Variants in FZD3 observed in about 807,000 individuals in gnomAD.
FZD3 encodes frizzled-3.
Under a neutral mutation model 60.7 loss-of-function variants are expected in FZD3, and 30 were observed. That is an observed-to-expected ratio of 0.49 (90% confidence interval 0.37 to 0.67). The LOEUF is 0.67. FZD3 is among the 30% of genes least tolerant of loss of function. The pLI is 0.00. For missense variants in FZD3, 605 were observed against 838.7 expected (o/e 0.72, Z 3.44); for synonymous variants, 246 against 275.2 (o/e 0.89, Z 1.05).
At chr8:28,562,404 T>G (rs1226326535) in intron 7 of FZD3, among the ~76,000 whole-genome samples, 1 of 152,170 alleles carries the variant, frequency 6.6e-6, no homozygotes, top group Non-Finnish European at 1.5e-5. Flanking sequence ...CTCTACTGAT[T>G]ATAACCACTC....
At position 28,569,031 on chromosome 8, in the gene FZD3, T is replaced by A. The variant is rs1805755676; in HGVS notation, c.*6020T>A. 6.6e-6 allele frequency: 1 copy of A among 152,134 alleles called. No individual in the cohort carries two copies. The allele number at this position is 152,134 out of a possible 1,614,324, so 9.4% of individuals were successfully genotyped here. ...ATTACCATTAACTAGTAAAGTTAGT[T>A]TTTAAAGTTTTTTTAAGGTTGATAT... On this transcript the variant is annotated 3_prime_UTR_variant, in exon 8 of 8. Transcript: ENST00000240093.
chr8:28,568,660 G>A lies in FZD3; in HGVS notation c.*5649G>A, dbSNP rs1034463171. The A allele has an allele frequency of 6.6e-6, 1 of 152,012 alleles. No individual in the cohort carries two copies. The highest frequency in any genetic ancestry group is 2.1e-4 in the South Asian group (1 of 4,828). 9.4% of individuals were successfully genotyped at this position (152,012 alleles called of 1,614,324 possible). A position where few individuals can be genotyped will look rare whatever the true frequency, so the allele number is the denominator to read the frequency against. ...ATGAGTTAAACATGTTTCTTATTCT[G>A]TGATCTCTAATTAGAAAGTAAAATT... On this transcript the variant is annotated 3_prime_UTR_variant, in exon 8 of 8. Coordinates refer to ENST00000240093, the MANE Select transcript of FZD3 (RefSeq NM_017412.4).
chr8:28,526,184 A>T (rs768664204), intron 4 of FZD3, among the ~76,000 whole-genome samples: 2 of 118,432 alleles, frequency 1.7e-5, no homozygotes, highest in African/African-American at 3.1e-5. Flanking sequence ...ATTTTATGTT[A>T]ATGTTTATAC....
In FZD3 at chr8:28,502,796, A is replaced by G. The variant is rs1212660161; in HGVS notation, c.-218A>G. 6 of 355,352 alleles carry G rather than the reference A, an allele frequency of 1.7e-5. No homozygotes were observed. Among genetic ancestry groups the G allele is most frequent in the Non-Finnish European group, 3.0e-5 (6 of 198,166 alleles). The allele number at this position is 355,352 out of a possible 1,614,324, so 22.0% of individuals were successfully genotyped here. Reference sequence around the variant, plus strand: ...TAATAAAATGAAAAGAAGAGACAAGATGATGTCATTTTCCCATATTGTGAA... The same window carrying G: ...TAATAAAATGAAAAGAAGAGACAAGGTGATGTCATTTTCCCATATTGTGAA... On this transcript the variant is annotated 5_prime_UTR_variant, in exon 3 of 8. It removes an upstream start codon present in the reference 5' UTR. Coordinates refer to ENST00000240093, the MANE Select transcript of FZD3 (RefSeq NM_017412.4).
chr8:28,539,820 A>G (rs1171173675), intron 5 of FZD3, among the ~76,000 whole-genome samples: 5 of 151,124 alleles, frequency 3.3e-5, no homozygotes, highest in African/African-American at 1.2e-4. Flanking sequence ...TAAGGTCTCA[A>G]AAACAAGTAT....
chr8:28,539,196 G>T (rs570521453), intron 5 of FZD3, among the ~76,000 whole-genome samples: 9 of 152,266 alleles, frequency 5.9e-5, no homozygotes, highest in African/African-American at 2.2e-4. Flanking sequence ...ACTTCCCATC[G>T]CTTGCATTAC....
At chr8:28,535,625 A>G (rs1804990498) in intron 5 of FZD3, among the ~76,000 whole-genome samples, 1 of 152,224 alleles carries the variant, frequency 6.6e-6, no homozygotes, top group Admixed American at 6.5e-5. Context: ...TTTAATGTTT[A>G]TTAAATAATA....
chr8:28,499,857 T>G (rs1359805795), intron 1 of FZD3, 76 bp from the exon 2 acceptor site: 3 of 152,234 alleles, frequency 2.0e-5, no homozygotes, highest in Non-Finnish European at 2.9e-5. Context: ...CCCTATCTGC[T>G]TTTATTTTTA....
intron 3 of FZD3, among the ~76,000 whole-genome samples, chr8:28,513,892 T>A (rs1246070205): frequency 6.6e-6 from 1 of 152,184 alleles, no homozygotes; most frequent in East Asian, 1.9e-4. Flanking sequence ...CTGCACATCC[T>A]TGCTAAGCTT....
chr8:28,564,868 T>TA lies in FZD3; in HGVS notation c.*1860dup, dbSNP rs1408463695. The TA allele has an allele frequency of 6.6e-6, 1 of 152,196 alleles. No individual in the cohort carries two copies. Among genetic ancestry groups the TA allele is most frequent in the Non-Finnish European group, 1.5e-5 (1 of 68,036 alleles). 9.4% of individuals were successfully genotyped at this position (152,196 alleles called of 1,614,324 possible). ...CTTGTTTGTAAATGAAGATAGAAGA[T>TA]AAATACGTACTCTACCTACCTCACA... On this transcript the variant is annotated 3_prime_UTR_variant, in exon 8 of 8. Transcript: ENST00000240093.
intron 1 of FZD3, among the ~76,000 whole-genome samples, chr8:28,498,826 A>G (rs1803915011): frequency 6.6e-6 from 1 of 152,196 alleles, no homozygotes; most frequent in South Asian, 2.1e-4. Context: ...TCGTCTCCCA[A>G]AATGCTTGGA....
intron 2 of FZD3, among the ~76,000 whole-genome samples, chr8:28,501,972 G>A (rs1223703871): frequency 2.0e-5 from 3 of 152,152 alleles, no homozygotes; most frequent in Non-Finnish European, 2.9e-5. Context: ...GTTGATAGAG[G>A]TAGCATTTGT....
intron 5 of FZD3, among the ~76,000 whole-genome samples, chr8:28,544,073 T>C (rs921999523): frequency 1.3e-5 from 2 of 151,848 alleles, no homozygotes; most frequent in Admixed American, 1.3e-4. Context: ...CCGCAGAGTA[T>C]GATACTCTGC....
chr8:28,498,770 G>A (rs1454041777), intron 1 of FZD3, among the ~76,000 whole-genome samples: 1 of 152,072 alleles, frequency 6.6e-6, no homozygotes, highest in African/African-American at 2.4e-5. Context: ...TTGCCGTGTT[G>A]GCCAGGCTGG....
rs1169474995 is a variant in FZD3, at chr8:28,572,740, A to G, written c.*9729A>G. 6.6e-6 allele frequency: 1 copy of G among 152,176 alleles called. No individual in the cohort carries two copies. The highest frequency in any genetic ancestry group is 1.5e-5 in the Non-Finnish European group (1 of 68,006). 9.4% of individuals were successfully genotyped at this position (152,176 alleles called of 1,614,324 possible). ...GCATTCTAAATTAATGAATACTGCT[A>G]TGTGGTGTAGTAAACAAATTTGCCA... is the stretch of plus-strand genomic sequence containing the variant. On this transcript the variant is annotated 3_prime_UTR_variant, in exon 8 of 8. Coordinates refer to ENST00000240093, the MANE Select transcript of FZD3 (RefSeq NM_017412.4).
In FZD3 at chr8:28,574,170, T is replaced by C. The variant is rs960219341; in HGVS notation, c.*11159T>C. The stretch of plus-strand genomic sequence containing the variant: ...TTGTAAATGTTTTTTCTTAGCACTT[T>C]AACTGTGAGTGTACAAACTGATTTT... On this transcript the variant is annotated 3_prime_UTR_variant, in exon 8 of 8. Coordinates refer to ENST00000240093, the MANE Select transcript of FZD3 (RefSeq NM_017412.4). The C allele has an allele frequency of 2.0e-5, 3 of 152,198 alleles. No homozygotes were observed. The highest frequency in any genetic ancestry group is 7.2e-5 in the African/African-American group (3 of 41,466). 9.4% of individuals were successfully genotyped at this position (152,198 alleles called of 1,614,324 possible).
At chr8:28,495,535 T>G (rs141373228) in intron 1 of FZD3, among the ~76,000 whole-genome samples, 104 of 152,328 alleles carry the variant, frequency 6.8e-4, no homozygotes, top group South Asian at 5.2e-3. Context: ...TGTTACCTCC[T>G]TCCCTCACCC....
At position 28,516,538 on chromosome 8, in the gene FZD3, GTCTT is replaced by G. The variant is rs796406802; in HGVS notation, c.190-4096_190-4093del. ...ATCTTCCAAACCATGAACACAGGAT[GTCTT>G]TCTGTTTATTTAGGTCTTCAGTTTC... On this transcript the variant is annotated intron_variant, in intron 3 of 7. Transcript: ENST00000240093. Among the ~76,000 whole-genome samples the G allele has an allele frequency of 6.6e-3, 1,007 of 152,198 alleles. 11 individuals are homozygous for G. Among genetic ancestry groups the G allele is most frequent in the African/African-American group, 0.023 (945 of 41,536 alleles).
rs1212186532 is a variant in FZD3, at chr8:28,494,617, G to GGGGCTGA, written c.-391+287_-391+293dup. Among the ~76,000 whole-genome samples, 164 of 152,144 alleles carry GGGGCTGA rather than the reference G, an allele frequency of 1.1e-3. 1 individual carries two copies. In the East Asian group the frequency reaches 0.019, roughly 18 times the overall value. ...CTCGGGGACGCCTAGTTTGAGGCTG[G>GGGGCTGA]GGGCTGAGGGCTGAGGGCTAAGGGG... On this transcript the variant is annotated intron_variant, in intron 1 of 7. Coordinates refer to ENST00000240093, the MANE Select transcript of FZD3 (RefSeq NM_017412.4).
Sources: gnomAD v4.1 joint callset for allele counts (sites outside exome capture counted in the v4.1 genomes callset) on GRCh38, gnomAD v4.1.1 for gene constraint, MANE v1.5 for transcripts, NCBI Gene and HGNC (gene_info 2026-07-23, HGNC 2026-07-21) for gene names.